PAH: variants seen among roughly 807,000 people sequenced by gnomAD.
PAH encodes phenylalanine-4-hydroxylase.
Under a neutral mutation model 62.0 loss-of-function variants are expected in PAH, and 64 were observed. That is an observed-to-expected ratio of 1.03 (90% CI 0.84 to 1.27). The LOEUF (loss-of-function observed/expected upper bound fraction) is 1.27, where lower values mean the gene tolerates loss of function less well. Among genes scored for constraint, PAH ranks in the 50% most tolerant of loss-of-function variants. PAH has a pLI of 0.00. For synonymous variants in PAH, 195 were observed against 196.2 expected, an observed-to-expected ratio of 0.99 and a Z score of 0.05; for missense variants, 579 against 542.8, an observed-to-expected ratio of 1.07 and a Z score of -0.66.
In PAH at chr12:102,949,678, A is replaced by G. The variant is rs1474690314; in HGVS notation, c.-96+911T>C. 2.0e-5 allele frequency among the ~76,000 whole-genome samples: 3 copies of G among 152,146 alleles called. No homozygotes were observed. In the East Asian group the frequency reaches 5.8e-4, roughly 29 times the overall value. The stretch of plus-strand genomic sequence containing the variant: ...GTTATATAGGAGAAGCTTAGGGGTG[A>G]CCATCTGGTTGGGGAAGAGGGGCTG... On this transcript the variant is annotated intron_variant, in intron 1 of 3. Transcript: ENST00000546844.
At chr12:102,942,006 T>TTGA (rs1879309520) in intron 1 of PAH, among the ~76,000 whole-genome samples, 1 of 152,016 alleles carries the variant, frequency 6.6e-6, no homozygotes, top group Non-Finnish European at 1.5e-5. Context: ...GCTTGAGAAC[T>TTGA]GGAACAAGAC....
chr12:102,920,037 T>C (rs1878515012), upstream of PAH, among the ~76,000 whole-genome samples: 1 of 152,170 alleles, frequency 6.6e-6, no homozygotes, highest in Non-Finnish European at 1.5e-5. Context: ...TTCTCCATAG[T>C]GGTTGTACAA....
chr12:102,877,664 T>C, intron 3 of PAH, 114 bp from the exon 4 acceptor site: 1 of 793,656 alleles, frequency 1.3e-6, no homozygotes. Context: ...TGGGCTGGCT[T>C]CCAGATAACC....
At chr12:102,888,448 G>C (rs1414387365) in intron 3 of PAH, among the ~76,000 whole-genome samples, 1 of 151,384 alleles carries the variant, frequency 6.6e-6, no homozygotes, top group African/African-American at 2.4e-5. Flanking sequence ...GGAAAACACT[G>C]GGTGTGGCAT....
At chr12:102,913,010 C>T in intron 1 of PAH, 112 bp from the exon 2 acceptor site, 1 of 732,194 alleles carries the variant, frequency 1.4e-6, no homozygotes, top group Non-Finnish European at 2.5e-6. Flanking sequence ...TTAAATCTTG[C>T]AATACAATGA....
At chr12:102,845,846 C>A (rs763903845) in intron 9 of PAH, among the ~76,000 whole-genome samples, 1 of 152,134 alleles carries the variant, frequency 6.6e-6, no homozygotes, top group Admixed American at 6.6e-5. Flanking sequence ...CAATCAGTAA[C>A]ATTTTTTCAA....
At chr12:102,910,595 C>T (rs940469466) in intron 2 of PAH, among the ~76,000 whole-genome samples, 1 of 152,140 alleles carries the variant, frequency 6.6e-6, no homozygotes, top group Non-Finnish European at 1.5e-5. Flanking sequence ...TGGTCTCGAT[C>T]TCCTGACCTT....
At chr12:102,934,715 A>G (rs1440350384) in intron 1 of PAH, among the ~76,000 whole-genome samples, 1 of 151,820 alleles carries the variant, frequency 6.6e-6, no homozygotes, top group Non-Finnish European at 1.5e-5. Flanking sequence ...TTTCTTTTTC[A>G]GATTGTTTGC....
rs1876115250 is a variant in PAH at position 102,868,118 on chromosome 12, ATATATG to A, written c.442-1461_442-1456del. ...TATATATATATACACATATATATAC[ATATATG>A]TGTATATATATATATATATATATAT... On this transcript the variant is annotated intron_variant, in intron 4 of 12. Transcript: ENST00000553106. 8.1e-4 allele frequency among the ~76,000 whole-genome samples: 7 copies of A among 8,606 alleles called. 2 individuals carry two copies. Among genetic ancestry groups the A allele is most frequent in the African/African-American group, 2.6e-3 (2 of 762 alleles). 5.6% of individuals were successfully genotyped at this position (8,606 alleles called of 152,430 possible).
chr12:102,902,060 A>T (rs993832014), intron 2 of PAH, among the ~76,000 whole-genome samples: 4 of 152,248 alleles, frequency 2.6e-5, no homozygotes, highest in Non-Finnish European at 4.4e-5. Flanking sequence ...ACCATTGTGC[A>T]TGGGGGTGCT....
At chr12:102,912,968 T>C in intron 1 of PAH, 70 bp from the exon 2 acceptor site, 1 of 996,850 alleles carries the variant, frequency 1.0e-6, no homozygotes, top group Non-Finnish European at 1.6e-6. Context: ...TAAACCTCCA[T>C]GGACAAAGCA....
At chr12:102,878,016 G>A (rs575344857) in intron 3 of PAH, among the ~76,000 whole-genome samples, 1 of 152,188 alleles carries the variant, frequency 6.6e-6, no homozygotes, top group Non-Finnish European at 1.5e-5. Context: ...GGTAGAGGCA[G>A]AGTTCTACCA....
intron 1 of PAH, among the ~76,000 whole-genome samples, chr12:102,929,339 C>G (rs934756151): frequency 1.3e-5 from 2 of 152,148 alleles, no homozygotes; most frequent in East Asian, 3.9e-4. Context: ...AGAACTTTTC[C>G]CTAGGAAGTT....
intron 1 of PAH, among the ~76,000 whole-genome samples, chr12:102,932,964 C>T (rs995365330): frequency 6.6e-6 from 1 of 152,164 alleles, no homozygotes; most frequent in South Asian, 2.1e-4. Flanking sequence ...AGCATTTATT[C>T]TTTCTTTGTG....
chr12:102,867,317 C>T (rs1876023473), intron 4 of PAH, among the ~76,000 whole-genome samples: 1 of 152,146 alleles, frequency 6.6e-6, no homozygotes, highest in Admixed American at 6.6e-5. Context: ...TGGCAGGGGC[C>T]TAGCTAACTG....
chr12:102,912,675 C>G, intron 2 of PAH, 116 bp downstream of exon 2: 2 of 781,710 alleles, frequency 2.6e-6, no homozygotes, highest in Non-Finnish European at 4.5e-6. Context: ...AAAACTTGAG[C>G]TCAAATTCAA....
In PAH at chr12:102,848,534, G is replaced by A. The variant is rs569025773; in HGVS notation, c.913-1583C>T. 3.4e-5 allele frequency among the ~76,000 whole-genome samples: 5 copies of A among 147,522 alleles called. No individual in the cohort carries two copies. The South Asian group carries it at 6.7e-4, about 20-fold the overall frequency. ...GACAGGACACCAGGAGACTGGAGAGGTGGAGGGTAGACAGGACACCAGGAG... is the reference window on the plus strand; with the variant it reads ...GACAGGACACCAGGAGACTGGAGAGATGGAGGGTAGACAGGACACCAGGAG... On this transcript the variant is annotated intron_variant, in intron 8 of 12. Coordinates refer to ENST00000553106, the MANE Select transcript of PAH (RefSeq NM_000277.3).
At chr12:102,913,795 C>A in intron 1 of PAH, 2 of 701,958 alleles carry the variant, frequency 2.8e-6, no homozygotes, top group Admixed American at 2.0e-5. Context: ...CAGGATCTAG[C>A]ACTTACTACA....
chr12:102,941,346 T>C (rs183923154), intron 1 of PAH, among the ~76,000 whole-genome samples: 81 of 152,224 alleles, frequency 5.3e-4, no homozygotes, highest in African/African-American at 1.9e-3. Context: ...ATCCCTCCAA[T>C]TAAAAGACAC....
Sources: gnomAD v4.1 joint callset for allele counts (sites outside exome capture counted in the v4.1 genomes callset) on GRCh38, gnomAD v4.1.1 for gene constraint, MANE v1.5 for transcripts, NCBI Gene and HGNC (gene_info 2026-07-23, HGNC 2026-07-21) for gene names.